ZNF525: variants seen among roughly 807,000 people sequenced by gnomAD.
ZNF525 encodes the protein zinc finger protein 525.
A neutral mutation model predicts 37.6 loss-of-function variants in ZNF525; 33 were observed. The ratio of observed to expected loss-of-function variants is 0.88; its 90% CI spans 0.67 to 1.17. The LOEUF is 1.17. ZNF525 is among the 50% of genes most tolerant of loss of function. The pLI, the probability that ZNF525 is intolerant of heterozygous loss-of-function variation, is 0.00. For synonymous variants in ZNF525, 170 were observed against 182.3 expected, an observed-to-expected ratio of 0.93 and a Z score of 0.54; for missense variants, 449 against 543.1, an observed-to-expected ratio of 0.83 and a Z score of 1.72.
chr19:53,374,843 T>C (rs1246746767), intron 2 of ZNF525, among the ~76,000 whole-genome samples: 1 of 152,144 alleles, frequency 6.6e-6, no homozygotes, highest in African/African-American at 2.4e-5. Flanking sequence ...ATCTATATAA[T>C]GGATTTTCCT....
intron 3 of ZNF525, among the ~76,000 whole-genome samples, chr19:53,376,954 G>A (rs1266043311): frequency 6.6e-6 from 1 of 152,298 alleles, no homozygotes; most frequent in East Asian, 1.9e-4. Context: ...GGGCAACACA[G>A]TGAGACTCTG....
intron 1 of ZNF525, among the ~76,000 whole-genome samples, chr19:53,370,691 A>T (rs74257408): frequency 0.12 from 18,205 of 151,942 alleles, 1,271 homozygotes; most frequent in African/African-American, 0.18. Context: ...AATGAAAAAA[A>T]AATAATAAAA....
chr19:53,370,376 T>C (rs2085478799), intron 1 of ZNF525, among the ~76,000 whole-genome samples: 2 of 145,580 alleles, frequency 1.4e-5, no homozygotes, highest in Admixed American at 1.4e-4. Context: ...ATCCTGCCAC[T>C]GCTCTCCAGC....
chr19:53,379,612 T>C (rs2147072020), intron 3 of ZNF525: 1 of 152,382 alleles, frequency 6.6e-6, no homozygotes, highest in South Asian at 2.1e-4. Flanking sequence ...GCTGGTTTTA[T>C]GCGTTACAGT....
At chr19:53,370,721 C>G (rs2085482032) in intron 1 of ZNF525, among the ~76,000 whole-genome samples, 1 of 152,130 alleles carries the variant, frequency 6.6e-6, no homozygotes, top group Admixed American at 6.5e-5. Context: ...ATGGAAGAAA[C>G]AGAGTTGCAG....
At position 53,382,931 on chromosome 19, in the gene ZNF525, C is replaced by T; in HGVS notation, c.*912C>T. On this transcript the variant is annotated 3_prime_UTR_variant, in exon 4 of 4. Coordinates refer to ENST00000474037, the MANE Select transcript of ZNF525 (RefSeq NM_001348156.2). Reference sequence around the variant, plus strand: ...TAATGAGTGTGGTAAGATGTTCAGTCAAAATTCGGCCCTTGTAATTCATAA... The same window carrying T: ...TAATGAGTGTGGTAAGATGTTCAGTTAAAATTCGGCCCTTGTAATTCATAA... 1 of 1,485,774 alleles carries T rather than the reference C, an allele frequency of 6.7e-7. No homozygotes were observed. Among genetic ancestry groups the T allele is most frequent in the Non-Finnish European group, 9.3e-7 (1 of 1,070,838 alleles). 92.0% of individuals were successfully genotyped at this position (1,485,774 alleles called of 1,614,324 possible). A position where few individuals can be genotyped will look rare whatever the true frequency, so the allele number is the denominator to read the frequency against.
Position 53,384,870 on chromosome 19 carries a change from G to A in ZNF525, c.*2851G>A. ...TTCTTGCATCATGTGAGATCGTACA[G>A]GAAAGCATTCCATTTTCCCTGCTTG... On this transcript the variant is annotated 3_prime_UTR_variant, in exon 4 of 4. Coordinates refer to ENST00000474037, the MANE Select transcript of ZNF525 (RefSeq NM_001348156.2). 1.5e-6 allele frequency: 1 copy of A among 686,752 alleles called. No individual in the cohort carries two copies. Among genetic ancestry groups the A allele is most frequent in the Non-Finnish European group, 2.6e-6 (1 of 377,772 alleles). The allele number at this position is 686,752 out of a possible 1,614,324, so 42.5% of individuals were successfully genotyped here. A position where few individuals can be genotyped will look rare whatever the true frequency, so the allele number is the denominator to read the frequency against.
At chr19:53,374,377 TTAGC>T (rs1353651793) in intron 2 of ZNF525, among the ~76,000 whole-genome samples, 1 of 152,242 alleles carries the variant, frequency 6.6e-6, no homozygotes, top group Non-Finnish European at 1.5e-5. Context: ...GCGTTGGAAA[TTAGC>T]TGAATGACAA....
In ZNF525 at chr19:53,386,329, A is replaced by G. The variant is rs2085607013; in HGVS notation, c.*4310A>G. On this transcript the variant is annotated 3_prime_UTR_variant, in exon 4 of 4. Coordinates refer to ENST00000474037, the MANE Select transcript of ZNF525 (RefSeq NM_001348156.2). The stretch of plus-strand genomic sequence containing the variant: ...CCTGTGGATTCAGATCAAAACTGGT[A>G]ATAAAATCAGGTACGACTCCAAAAG... 2.6e-6 allele frequency: 2 copies of G among 755,750 alleles called. No individual in the cohort carries two copies. Among genetic ancestry groups the G allele is most frequent in the Non-Finnish European group, 4.7e-6 (2 of 427,808 alleles). 46.8% of individuals were successfully genotyped at this position (755,750 alleles called of 1,614,324 possible).
At chr19:53,375,946 G>A in intron 3 of ZNF525, 50 bp downstream of exon 3, 6 of 1,611,420 alleles carry the variant, frequency 3.7e-6, no homozygotes, top group Non-Finnish European at 5.1e-6. Flanking sequence ...TCGTATCTTT[G>A]TATTTTCTCT....
intron 3 of ZNF525, among the ~76,000 whole-genome samples, chr19:53,379,203 C>T (rs1310992231): frequency 6.6e-6 from 1 of 152,126 alleles, no homozygotes; most frequent in African/African-American, 2.4e-5. Flanking sequence ...ACAAACTCTA[C>T]CTCCTGGGTT....
At chr19:53,375,495 G>A (rs2085514853) in intron 2 of ZNF525, among the ~76,000 whole-genome samples, 2 of 152,170 alleles carry the variant, frequency 1.3e-5, no homozygotes, top group Non-Finnish European at 2.9e-5. Context: ...TAAGGCAGGA[G>A]AATCGCTTGA....
intron 1 of ZNF525, among the ~76,000 whole-genome samples, chr19:53,368,777 G>T (rs2085465471): frequency 6.6e-6 from 1 of 152,174 alleles, no homozygotes; most frequent in Non-Finnish European, 1.5e-5. Context: ...TGTGTGTGGA[G>T]ACATGAATGG....
At chr19:53,373,621 G>A (rs914076407) in intron 2 of ZNF525, among the ~76,000 whole-genome samples, 7 of 151,840 alleles carry the variant, frequency 4.6e-5, no homozygotes, top group Non-Finnish European at 7.4e-5. Context: ...GTATCGTTAT[G>A]AGACTCCGGA....
Position 53,375,869 on chromosome 19 carries a change from G to C in ZNF525, c.115G>C (p.Glu39Gln). 2 of 1,613,898 alleles carry C rather than the reference G, an allele frequency of 1.2e-6. No individual in the cohort carries two copies. ...GACTCTATACAGGGACGTGATGCTG[G>C]AGAATTATAGGAACCTGGTCTCCCT... Reference protein sequence around the residue: ...QRTLYRDVMLENYRNLVSLGI... With the variant: ...QRTLYRDVMLQNYRNLVSLGI... The change falls in exon 3 of 4, where the codon GAG (glutamate) becomes CAG (glutamine). Residue 39 changes from glutamate (E) to glutamine (Q), a missense_variant. This residue lies in a region of ZNF525 where 271 missense variants were observed against 381.6 expected (regional missense o/e 0.71). Transcript: ENST00000474037.
chr19:53,384,204 C>T lies in ZNF525; in HGVS notation c.*2185C>T. 2.9e-6 allele frequency: 1 copy of T among 347,048 alleles called. No individual in the cohort carries two copies. The highest frequency in any genetic ancestry group is 2.4e-5 in the South Asian group (1 of 41,798). The allele number at this position is 347,048 out of a possible 1,614,324, so 21.5% of individuals were successfully genotyped here. A position where few individuals can be genotyped will look rare whatever the true frequency, so the allele number is the denominator to read the frequency against. ...AAGTGTTTATGTTAAGAGGACTGGG[C>T]TGTGTGGCATGGCTCACGCCTGTAA... On this transcript the variant is annotated 3_prime_UTR_variant, in exon 4 of 4. Transcript: ENST00000474037.
At chr19:53,373,629 G>A (rs1021143481) in intron 2 of ZNF525, among the ~76,000 whole-genome samples, 22 of 151,594 alleles carry the variant, frequency 1.5e-4, no homozygotes, top group African/African-American at 5.1e-4. Context: ...ATGAGACTCC[G>A]GAAAAATTCT....
At chr19:53,370,775 G>A (rs1473792689) in intron 1 of ZNF525, among the ~76,000 whole-genome samples, 3 of 152,162 alleles carry the variant, frequency 2.0e-5, no homozygotes, top group African/African-American at 4.8e-5. Context: ...TCTGTATGAG[G>A]ACATCACAGC....
intron 1 of ZNF525, among the ~76,000 whole-genome samples, chr19:53,369,080 A>G (rs1190668023): frequency 6.6e-6 from 1 of 152,208 alleles, no homozygotes; most frequent in Non-Finnish European, 1.5e-5. Context: ...ATACAGAGAA[A>G]TAGGCCCTCG....
Sources: gnomAD v4.1 joint callset for allele counts (sites outside exome capture counted in the v4.1 genomes callset) on GRCh38, gnomAD v4.1.1 for gene constraint, gnomAD v4.1.1 regional missense constraint, MANE v1.5 for transcripts, NCBI Gene and HGNC (gene_info 2026-07-23, HGNC 2026-07-21) for gene names.